The following LONRF2 variants were observed in gnomAD, a reference collection of about 807,000 sequenced individuals.
LONRF2 encodes the protein LON peptidase N-terminal domain and RING finger protein 2.
In LONRF2, 35 loss-of-function variants were observed where a neutral mutation model predicts 66.6. The ratio of observed to expected loss-of-function variants is 0.53; its 90% CI spans 0.40 to 0.70. LONRF2 has a LOEUF of 0.70. LONRF2 is among the 30% of genes least tolerant of loss of function. The pLI, the probability that LONRF2 is intolerant of heterozygous loss-of-function variation, is 0.00. For missense variants in LONRF2, 902 were observed against 1,002.1 expected (o/e 0.90, Z 1.35); for synonymous variants, 417 against 418.1 (o/e 1.00, Z 0.03).
rs146220457 is a variant in LONRF2, at chr2:100,274,412, C to T, written c.*9886G>A. The T allele has an allele frequency of 1.7e-3, 263 of 152,358 alleles. 1 individual carries two copies. Among genetic ancestry groups the T allele is most frequent in the African/African-American group, 5.8e-3 (242 of 41,578 alleles). 9.4% of individuals were successfully genotyped at this position (152,358 alleles called of 1,614,324 possible). A position where few individuals can be genotyped will look rare whatever the true frequency, so the allele number is the denominator to read the frequency against. Reference sequence around the variant, plus strand: ...CCTACTCATTTGAGACTACAAACCTCTTCTAGAAGCTGTAACCTGAAATGC... The same window carrying T: ...CCTACTCATTTGAGACTACAAACCTTTTCTAGAAGCTGTAACCTGAAATGC... On this transcript the variant is annotated 3_prime_UTR_variant, in exon 12 of 12. Transcript: ENST00000393437.
At position 100,321,638 on chromosome 2, in the gene LONRF2, C is replaced by T; in HGVS notation, c.456G>A (p.Lys152=). 6.9e-7 allele frequency: 1 copy of T among 1,442,576 alleles called. No homozygotes were observed. Among genetic ancestry groups the T allele is most frequent in the African/African-American group, 1.5e-5 (1 of 67,950 alleles). 89.4% of individuals were successfully genotyped at this position (1,442,576 alleles called of 1,614,324 possible). The stretch of plus-strand genomic sequence containing the variant: ...TGAGCCCGCAGGGCAGCGTCACCGG[C>T]TTATGCAGCAGCCGCCGGCAGCGCG... The part of the protein sequence containing the change: ...GCPRCRRLLH[K]PVTLPCGLTV... Residue 152 remains lysine, a synonymous_variant, in exon 1 of 12, where the codon AAG becomes AAA. Coordinates refer to ENST00000393437, the MANE Select transcript of LONRF2 (RefSeq NM_198461.4).
rs1026070817 is a variant in LONRF2, at chr2:100,322,246, C to CGGGCGG, written c.-159_-154dup. On this transcript the variant is annotated 5_prime_UTR_variant, in exon 1 of 12. Transcript: ENST00000393437. The stretch of plus-strand genomic sequence containing the variant: ...GGCGCGCTGCGAGCGGCTGAGACCG[C>CGGGCGG]GGGCGGGGGCGGGCGCCTGGCTTGG... 5 of 682,606 alleles carry CGGGCGG rather than the reference C, an allele frequency of 7.3e-6. No individual in the cohort carries two copies. The highest frequency in any genetic ancestry group is 2.0e-6 in the Non-Finnish European group (1 of 500,990). The allele number at this position is 682,606 out of a possible 1,614,324, so 42.3% of individuals were successfully genotyped here.
chr2:100,272,617 C>T lies in LONRF2; in HGVS notation c.*11681G>A, dbSNP rs139351222. 1.7e-5 allele frequency among the ~76,000 whole-genome samples: 2 copies of T among 117,474 alleles called. No homozygotes were observed. The highest frequency in any genetic ancestry group is 3.6e-5 in the Non-Finnish European group (2 of 55,890). The allele number at this position is 117,474 out of a possible 152,430, so 77.1% of individuals were successfully genotyped here. On this transcript the variant is annotated 3_prime_UTR_variant, in exon 12 of 12. Coordinates refer to ENST00000393437, the MANE Select transcript of LONRF2 (RefSeq NM_198461.4). ...AGGTGCCAGGAAGTTAATAAAAATA[C>T]TTTTCAGTATTTTGTAGAGTGTTAT...
intron 10 of LONRF2, 36 bp downstream of exon 10, chr2:100,290,222 G>A (rs765112869): frequency 8.9e-5 from 140 of 1,569,092 alleles, no homozygotes; most frequent in Non-Finnish European, 1.1e-4. Context: ...CGAGAGGACC[G>A]ACTGCTATAA....
rs76623699 is a variant in LONRF2, at chr2:100,281,206, T to G, written c.*3092A>C. On this transcript the variant is annotated 3_prime_UTR_variant, in exon 12 of 12. Coordinates refer to ENST00000393437, the MANE Select transcript of LONRF2 (RefSeq NM_198461.4). ...ATAAACTTCAACTGTTCCTTGATGA[T>G]TCAAATGTCCTGTGGTAAGACTTAA... 64 of 152,312 alleles carry G rather than the reference T, an allele frequency of 4.2e-4. 1 individual carries two copies. Among genetic ancestry groups the G allele is most frequent in the African/African-American group, 1.5e-3 (61 of 41,584 alleles). The allele number at this position is 152,312 out of a possible 1,614,324, so 9.4% of individuals were successfully genotyped here.
chr2:100,281,736 A>G lies in LONRF2; in HGVS notation c.*2562T>C, dbSNP rs1360132591. ...GCACTTTCAGTACAATTAAGCTGGA[A>G]TGTCCTGACATTGAATGAGAGATTA... is the stretch of plus-strand genomic sequence containing the variant. On this transcript the variant is annotated 3_prime_UTR_variant, in exon 12 of 12. Transcript: ENST00000393437. The G allele has an allele frequency of 6.6e-6, 1 of 152,196 alleles. No individual in the cohort carries two copies. Among genetic ancestry groups the G allele is most frequent in the African/African-American group, 2.4e-5 (1 of 41,440 alleles). 9.4% of individuals were successfully genotyped at this position (152,196 alleles called of 1,614,324 possible).
intron 5 of LONRF2, 151 bp from the exon 6 acceptor site, chr2:100,299,470 C>T (rs1675134325): frequency 1.6e-6 from 1 of 608,722 alleles, no homozygotes; most frequent in African/African-American, 1.9e-5. Flanking sequence ...TAACAGCATA[C>T]AGCAATAATT....
At position 100,284,051 on chromosome 2, in the gene LONRF2, A is replaced by C; in HGVS notation, c.*247T>G. On this transcript the variant is annotated 3_prime_UTR_variant, in exon 12 of 12. Transcript: ENST00000393437. ...CTGCATTCCCCAAGCACCTGCTTCTAAGAGATTTTCTTAGGTTGTTTTCCA... is the reference window on the plus strand; with the variant it reads ...CTGCATTCCCCAAGCACCTGCTTCTCAGAGATTTTCTTAGGTTGTTTTCCA... 3 of 383,444 alleles carry C rather than the reference A, an allele frequency of 7.8e-6. No homozygotes were observed. The highest frequency in any genetic ancestry group is 1.4e-5 in the Non-Finnish European group (3 of 212,608). The allele number at this position is 383,444 out of a possible 1,614,324, so 23.8% of individuals were successfully genotyped here.
intron 10 of LONRF2, among the ~76,000 whole-genome samples, chr2:100,288,847 G>A (rs1253477035): frequency 6.6e-6 from 1 of 152,178 alleles, no homozygotes; most frequent in Non-Finnish European, 1.5e-5. Context: ...TTGCATGAAT[G>A]GACCACAATG....
chr2:100,321,440 G>C lies in LONRF2; in HGVS notation c.654C>G (p.Leu218=). The change falls in exon 1 of 12, where the codon CTC becomes CTG. Residue 218 remains leucine, a synonymous_variant. Coordinates refer to ENST00000393437, the MANE Select transcript of LONRF2 (RefSeq NM_198461.4). ...QRQQQPEAAL[L]RCDQALELAP... ...CCAGCTCCAGGGCCTGGTCGCACCT[G>C]AGCAGCGCGGCCTCCGGCTGCTGCT... 2 of 1,492,162 alleles carry C rather than the reference G, an allele frequency of 1.3e-6. No homozygotes were observed. The highest frequency in any genetic ancestry group is 2.4e-4 in the Middle Eastern group (1 of 4,204). 92.4% of individuals were successfully genotyped at this position (1,492,162 alleles called of 1,614,324 possible). A position where few individuals can be genotyped will look rare whatever the true frequency, so the allele number is the denominator to read the frequency against.
chr2:100,285,667 C>T (rs951374977), intron 11 of LONRF2, among the ~76,000 whole-genome samples: 7 of 152,012 alleles, frequency 4.6e-5, no homozygotes, highest in Non-Finnish European at 1.0e-4. Context: ...GAAGAACGGT[C>T]GGAGAGAAGC....
chr2:100,296,183 C>A (rs1415795627), intron 7 of LONRF2, among the ~76,000 whole-genome samples: 2 of 152,206 alleles, frequency 1.3e-5, no homozygotes, highest in African/African-American at 4.8e-5. Flanking sequence ...GGCTGAACTA[C>A]TACTCTGCGT....
chr2:100,277,136 C>T lies in LONRF2; in HGVS notation c.*7162G>A, dbSNP rs867948819. On this transcript the variant is annotated 3_prime_UTR_variant, in exon 12 of 12. Coordinates refer to ENST00000393437, the MANE Select transcript of LONRF2 (RefSeq NM_198461.4). ...TCCATAAACAACCTCTATAATCAAA[C>T]CTTAAAATCCATGGGCACTCCTGTT... The T allele has an allele frequency of 1.3e-5, 2 of 152,334 alleles. No individual in the cohort carries two copies. Among genetic ancestry groups the T allele is most frequent in the Middle Eastern group, 3.4e-3 (1 of 294 alleles). The allele number at this position is 152,334 out of a possible 1,614,324, so 9.4% of individuals were successfully genotyped here. A position where few individuals can be genotyped will look rare whatever the true frequency, so the allele number is the denominator to read the frequency against.
intron 1 of LONRF2, among the ~76,000 whole-genome samples, chr2:100,318,691 C>A (rs1675559329): frequency 6.6e-6 from 1 of 151,606 alleles, no homozygotes; most frequent in Admixed American, 6.6e-5. Flanking sequence ...AAATACGAGG[C>A]ATGGTGGTGC....
chr2:100,320,643 G>A (rs1675601588), intron 1 of LONRF2, among the ~76,000 whole-genome samples: 1 of 152,184 alleles, frequency 6.6e-6, no homozygotes, highest in South Asian at 2.1e-4. Flanking sequence ...GGTGAAACCA[G>A]AAAGCAAACC....
intron 8 of LONRF2, 109 bp from the exon 9 acceptor site, chr2:100,294,496 A>C: frequency 1.0e-6 from 1 of 987,066 alleles, no homozygotes; most frequent in South Asian, 2.0e-5. Flanking sequence ...TCCCCTCTAC[A>C]AAACAAAACC....
intron 1 of LONRF2, among the ~76,000 whole-genome samples, chr2:100,320,593 C>T (rs962059404): frequency 2.0e-5 from 3 of 152,186 alleles, no homozygotes; most frequent in African/African-American, 7.2e-5. Context: ...CAAGTCTTCT[C>T]GGCTAGTGCT....
chr2:100,290,297 G>A lies in LONRF2; in HGVS notation c.1881C>T (p.Gly627=). The change falls in exon 10 of 12, where the codon GGC becomes GGT. Residue 627 remains glycine (G), a synonymous_variant. Coordinates refer to ENST00000393437, the MANE Select transcript of LONRF2 (RefSeq NM_198461.4). ...FRVLSHRHRD[G]YNTADIEYLE... Reference sequence around the variant, plus strand: ...GATATTCAATGTCCGCTGTGTTATAGCCATCTCTGTGGCGGTGGCTTAGCA... The same window carrying A: ...GATATTCAATGTCCGCTGTGTTATAACCATCTCTGTGGCGGTGGCTTAGCA... The A allele has an allele frequency of 6.2e-7, 1 of 1,614,104 alleles. No homozygotes were observed.
At position 100,282,168 on chromosome 2, in the gene LONRF2, C is replaced by T. The variant is rs775494388; in HGVS notation, c.*2130G>A. 6.6e-6 allele frequency: 1 copy of T among 152,070 alleles called. No homozygotes were observed. The allele number at this position is 152,070 out of a possible 1,614,324, so 9.4% of individuals were successfully genotyped here. A position where few individuals can be genotyped will look rare whatever the true frequency, so the allele number is the denominator to read the frequency against. ...TTGTTCAGACTTTTACATAACATGC[C>T]GAAGGAGAAGACTCAGAAAGCCAGG... is the stretch of plus-strand genomic sequence containing the variant. On this transcript the variant is annotated 3_prime_UTR_variant, in exon 12 of 12. Transcript: ENST00000393437.
Sources: gnomAD v4.1 joint callset for allele counts (sites outside exome capture counted in the v4.1 genomes callset) on GRCh38, gnomAD v4.1.1 for gene constraint, MANE v1.5 for transcripts, NCBI Gene and HGNC (gene_info 2026-07-23, HGNC 2026-07-21) for gene names.